The following IL13RA1 variants were observed in gnomAD, a reference collection of about 807,000 sequenced individuals.
IL13RA1 encodes interleukin-13 receptor subunit alpha-1.
In IL13RA1, 14 loss-of-function variants were observed where a neutral mutation model predicts 33.8. That is an observed-to-expected ratio of 0.41 (90% CI 0.27 to 0.65). The LOEUF (loss-of-function observed/expected upper bound fraction) is 0.65, where lower values mean the gene tolerates loss of function less well. Ranked by LOEUF, IL13RA1 falls within the 30% of genes least tolerant of loss-of-function variation. The pLI, the probability that IL13RA1 is intolerant of heterozygous loss-of-function variation, is 0.28. For synonymous variants in IL13RA1, 116 were observed against 115.7 expected, an observed-to-expected ratio of 1.00 and a Z score of -0.02; for missense variants, 313 against 327.0, an observed-to-expected ratio of 0.96 and a Z score of 0.33.
intron 1 of IL13RA1, chrX:118,737,918 C>T (rs1450170063): frequency 1.8e-5 from 2 of 111,824 alleles, no homozygotes; most frequent in East Asian, 5.6e-4. Context: ...AAATTGTAGT[C>T]TCCAGTAGGA....
At chrX:118,765,451 A>G (rs2017637245) in intron 6 of IL13RA1, among the ~76,000 whole-genome samples, 1 of 110,819 alleles carries the variant, frequency 9.0e-6, no homozygotes. Context: ...TTTTCACTCA[A>G]CATTATGTTT....
At chrX:118,798,787 C>T (rs973398128), downstream of IL13RA1, among the ~76,000 whole-genome samples, 1 of 112,704 alleles carries the variant, frequency 8.9e-6, no homozygotes, top group African/African-American at 3.2e-5. Context: ...GAGGGGACAG[C>T]GTGCTGGCAG....
chrX:118,768,585 G>C (rs1193168786), intron 8 of IL13RA1, among the ~76,000 whole-genome samples: 1 of 112,247 alleles, frequency 8.9e-6, no homozygotes, highest in East Asian at 2.8e-4. Context: ...TTTGGAAATA[G>C]GATTTTTGCA....
intron 10 of IL13RA1, among the ~76,000 whole-genome samples, chrX:118,788,196 G>A (rs1457197408): frequency 1.8e-5 from 2 of 111,632 alleles, no homozygotes; most frequent in Non-Finnish European, 3.8e-5. Context: ...CCCTCCGTTC[G>A]GGGTCCCTGA....
chrX:118,781,869 C>G (rs2495627), intron 10 of IL13RA1, among the ~76,000 whole-genome samples: 1 of 110,763 alleles, frequency 9.0e-6, no homozygotes, highest in African/African-American at 3.3e-5. Flanking sequence ...TAAGGTGATA[C>G]AACAGCATGT....
At chrX:118,780,673 T>C (rs758515693) in intron 10 of IL13RA1, among the ~76,000 whole-genome samples, 2 of 111,942 alleles carry the variant, frequency 1.8e-5, no homozygotes, top group African/African-American at 3.3e-5. Flanking sequence ...ACAGCTCTTA[T>C]GAGAACTCAC....
intron 1 of IL13RA1, among the ~76,000 whole-genome samples, chrX:118,730,150 T>G (rs1344299573): frequency 9.0e-6 from 1 of 111,374 alleles, no homozygotes; most frequent in Non-Finnish European, 1.9e-5. Context: ...ATACAAAAAT[T>G]AGCCGAGTGT....
intron 8 of IL13RA1, 41 bp downstream of exon 8, chrX:118,767,017 G>GTATA: frequency 1.3e-6 from 1 of 792,901 alleles, no homozygotes; most frequent in Non-Finnish European, 1.8e-6. Context: ...AAACACTGAT[G>GTATA]TATAAAAACT....
intron 8 of IL13RA1, among the ~76,000 whole-genome samples, chrX:118,772,217 A>G (rs1421712848): frequency 8.9e-6 from 1 of 112,678 alleles, no homozygotes; most frequent in Non-Finnish European, 1.9e-5. Context: ...CCCTAGTCAC[A>G]TCTATGTCTC....
Position 118,727,741 on chromosome X carries a change from C to A in IL13RA1, c.88+15C>A, listed in dbSNP as rs1323205812. 1.3e-4 allele frequency: 101 copies of A among 749,214 alleles called. No individual in the cohort carries two copies. The highest frequency in any genetic ancestry group is 2.3e-4 in the African/African-American group (10 of 43,058). The allele number at this position is 749,214 out of a possible 1,213,427, so 61.7% of individuals were successfully genotyped here. A position where few individuals can be genotyped will look rare whatever the true frequency, so the allele number is the denominator to read the frequency against. ...CGCGCCTACGGGTGAGTGCGACCCT[C>A]GGGGCCCGAGGGGCGGCCGGAGGGC... is the stretch of plus-strand genomic sequence containing the variant. On this transcript the variant is annotated intron_variant, in intron 1 of 10. Transcript: ENST00000371666.
chrX:118,748,473 G>C (rs1286980225), intron 3 of IL13RA1, among the ~76,000 whole-genome samples: 1 of 108,063 alleles, frequency 9.3e-6, no homozygotes, highest in African/African-American at 3.4e-5. Context: ...AGACCAGCCT[G>C]GTCAACATGG....
At position 118,793,563 on chromosome X, in the gene IL13RA1, C is replaced by T. The variant is rs1454816395; in HGVS notation, c.*1709C>T. On this transcript the variant is annotated 3_prime_UTR_variant, in exon 11 of 11. Coordinates refer to ENST00000371666, the MANE Select transcript of IL13RA1 (RefSeq NM_001560.3). ...ATATCCCCTCTACTCTTACTTCCCC[C>T]AAATTTAAAGAAGTATGGGAAATGA... 1 of 111,897 alleles carries T rather than the reference C, an allele frequency of 8.9e-6. No homozygotes were observed. The highest frequency in any genetic ancestry group is 1.9e-5 in the Non-Finnish European group (1 of 53,203). The allele number at this position is 111,897 out of a possible 1,213,427, so 9.2% of individuals were successfully genotyped here. A position where few individuals can be genotyped will look rare whatever the true frequency, so the allele number is the denominator to read the frequency against.
chrX:118,784,093 A>ATATATATACGTATATATGTATATATACG (rs2017879816), intron 10 of IL13RA1, among the ~76,000 whole-genome samples: 4 of 56,894 alleles, frequency 7.0e-5, no homozygotes, highest in African/African-American at 3.1e-4. Context: ...AAAAAAAAAT[A>ATATATATACGTATATATGTATATATACG]TATATATATA....
At chrX:118,786,140 T>A (rs1285457206) in intron 10 of IL13RA1, among the ~76,000 whole-genome samples, 2 of 110,851 alleles carry the variant, frequency 1.8e-5, no homozygotes, top group African/African-American at 6.6e-5. Context: ...TAAAAATAAT[T>A]GTCACTTTGG....
At chrX:118,728,461 A>G (rs775768578) in intron 1 of IL13RA1, among the ~76,000 whole-genome samples, 1 of 111,779 alleles carries the variant, frequency 8.9e-6, no homozygotes, top group Non-Finnish European at 1.9e-5. Flanking sequence ...AGAGTTGTGT[A>G]TATCCCTCAC....
intron 10 of IL13RA1, among the ~76,000 whole-genome samples, chrX:118,790,034 G>A (rs1238190684): frequency 3.6e-5 from 4 of 111,629 alleles, no homozygotes; most frequent in African/African-American, 1.3e-4. Context: ...TCTTTTTTGA[G>A]TGTTCAGTTA....
rs1175593017 is a variant in IL13RA1 at position 118,757,999 on chromosome X, T to C, written c.489-56T>C. The C allele has an allele frequency of 6.1e-6, 5 of 822,955 alleles. No homozygotes were observed. The African/African-American group carries it at 8.0e-5, about 13-fold the overall frequency. 67.8% of individuals were successfully genotyped at this position (822,955 alleles called of 1,213,427 possible). A position where few individuals can be genotyped will look rare whatever the true frequency, so the allele number is the denominator to read the frequency against. On this transcript the variant is annotated intron_variant, in intron 4 of 10. Coordinates refer to ENST00000371666, the MANE Select transcript of IL13RA1 (RefSeq NM_001560.3). ...AGCCACCGCGCCCAGCCTGCTCTTA[T>C]TTCTTGAATACTCTGTTGAATATAA...
At chrX:118,803,876 TCCTTCCTTC>T in the IL13RA1 span, among the ~76,000 whole-genome samples, 2 of 89,568 alleles carry the variant, frequency 2.2e-5, no homozygotes, top group African/African-American at 8.4e-5. Flanking sequence ...CTTCCTTCCT[TCCTTCCTTC>T]CTTCCTTCCT....
intron 10 of IL13RA1, among the ~76,000 whole-genome samples, chrX:118,780,309 A>G (rs2017828376): frequency 1.8e-5 from 2 of 112,491 alleles, no homozygotes; most frequent in African/African-American, 3.2e-5. Context: ...GGATGTTGAC[A>G]TGTTTAATTA....
Sources: gnomAD v4.1 joint callset for allele counts (sites outside exome capture counted in the v4.1 genomes callset) on GRCh38, gnomAD v4.1.1 for gene constraint, MANE v1.5 for transcripts, NCBI Gene and HGNC (gene_info 2026-07-23, HGNC 2026-07-21) for gene names.